The following PRKCH variants were observed in gnomAD, a reference collection of about 807,000 sequenced individuals.
PRKCH encodes protein kinase C eta.
A neutral mutation model predicts 82.5 loss-of-function variants in PRKCH; 28 were observed. The observed-to-expected ratio is 0.34, with a 90% CI of 0.25 to 0.47. PRKCH has a LOEUF of 0.47. Among genes scored for constraint, PRKCH ranks in the 20% least tolerant of loss-of-function variants. The pLI is 1.00. For synonymous variants in PRKCH, 322 were observed against 327.4 expected (o/e 0.98, Z 0.18); for missense variants, 705 against 881.8 (o/e 0.80, Z 2.54).
intron 1 of PRKCH, among the ~76,000 whole-genome samples, chr14:61,329,904 T>C (rs926195665): frequency 6.6e-6 from 1 of 152,194 alleles, no homozygotes; most frequent in South Asian, 2.1e-4. Flanking sequence ...GTTTGAATGA[T>C]TGACTAAGAT....
At chr14:61,401,634 A>G (rs530377899) in intron 2 of PRKCH, among the ~76,000 whole-genome samples, 1 of 152,350 alleles carries the variant, frequency 6.6e-6, no homozygotes, top group South Asian at 2.1e-4. Context: ...ATGGCCACGT[A>G]GTTGCAGGAG....
chr14:61,326,965 C>T (rs779173220), intron 1 of PRKCH: 4 of 415,716 alleles, frequency 9.6e-6, no homozygotes, highest in Non-Finnish European at 2.0e-5. Context: ...TGCTGACCTT[C>T]TAAATGGGGA....
chr14:61,440,807 G>A (rs936839971), intron 2 of PRKCH, among the ~76,000 whole-genome samples: 3 of 152,164 alleles, frequency 2.0e-5, no homozygotes, highest in Non-Finnish European at 2.9e-5. Flanking sequence ...CTGGGAGGTG[G>A]AGGTTGCAAT....
At chr14:61,444,218 A>G (rs531837143) in intron 3 of PRKCH, among the ~76,000 whole-genome samples, 36 of 152,354 alleles carry the variant, frequency 2.4e-4, no homozygotes, top group African/African-American at 8.7e-4. Flanking sequence ...GTAGATATGA[A>G]GCCAACAAAT....
chr14:61,318,084 C>T (rs2045578500), upstream of PRKCH, among the ~76,000 whole-genome samples: 1 of 151,166 alleles, frequency 6.6e-6, no homozygotes, highest in Admixed American at 6.6e-5. Flanking sequence ...ATGTTTCTTT[C>T]TTTTTTTGAG....
At chr14:61,499,938 G>A (rs1886827204) in intron 10 of PRKCH, among the ~76,000 whole-genome samples, 1 of 151,076 alleles carries the variant, frequency 6.6e-6, no homozygotes, top group South Asian at 2.1e-4. Context: ...GATATGTGAA[G>A]GCAGTCTGGG....
chr14:61,207,651 T>C (rs924236323), intron 1 of PRKCH, among the ~76,000 whole-genome samples: 3 of 152,156 alleles, frequency 2.0e-5, no homozygotes, highest in African/African-American at 7.2e-5. Flanking sequence ...GTACCTAGTG[T>C]CTGCTAAGGG....
At chr14:61,394,949 A>G (rs1239624026) in intron 2 of PRKCH, among the ~76,000 whole-genome samples, 1 of 152,230 alleles carries the variant, frequency 6.6e-6, no homozygotes. Context: ...CAGTTAATTC[A>G]TAGGCTAATT....
At chr14:61,375,115 T>C (rs966832627) in intron 1 of PRKCH, among the ~76,000 whole-genome samples, 7 of 152,010 alleles carry the variant, frequency 4.6e-5, no homozygotes, top group Non-Finnish European at 1.0e-4. Context: ...AAATTATCTC[T>C]CTCAAGTTTA....
intron 9 of PRKCH, 46 bp downstream of exon 9, chr14:61,457,725 A>G (rs377646920): frequency 3.1e-6 from 5 of 1,602,052 alleles, no homozygotes; most frequent in African/African-American, 1.3e-5. Flanking sequence ...CTTTTCTTAC[A>G]GAGCTGAGAC....
intron 10 of PRKCH, among the ~76,000 whole-genome samples, chr14:61,523,116 C>T (rs780888850): frequency 8.5e-5 from 13 of 152,116 alleles, no homozygotes; most frequent in Middle Eastern, 3.2e-3. Flanking sequence ...TCACACTTAC[C>T]TACATGCTAG....
intron 1 of PRKCH, among the ~76,000 whole-genome samples, chr14:61,381,186 G>T (rs1268012693): frequency 6.6e-6 from 1 of 152,182 alleles, no homozygotes; most frequent in Non-Finnish European, 1.5e-5. Flanking sequence ...TTCCCCTAGT[G>T]GCAGGTAGGC....
At chr14:61,407,995 A>T (rs1882051160) in intron 2 of PRKCH, among the ~76,000 whole-genome samples, 1 of 152,104 alleles carries the variant, frequency 6.6e-6, no homozygotes, top group African/African-American at 2.4e-5. Flanking sequence ...TCACACCTCT[A>T]TGCCTCCTTC....
chr14:61,395,374 T>C (rs987773146), intron 2 of PRKCH, among the ~76,000 whole-genome samples: 1 of 145,832 alleles, frequency 6.9e-6, no homozygotes, highest in African/African-American at 2.5e-5. Context: ...ACCTCGCTCC[T>C]GGAAGCCACC....
intron 1 of PRKCH, among the ~76,000 whole-genome samples, chr14:61,273,577 T>G (rs905610497): frequency 6.6e-6 from 1 of 152,218 alleles, no homozygotes; most frequent in Non-Finnish European, 1.5e-5. Context: ...ATAAAGTAAC[T>G]ACCCTCACTA....
chr14:61,355,623 A>G (rs949170984), intron 1 of PRKCH, among the ~76,000 whole-genome samples: 1 of 152,220 alleles, frequency 6.6e-6, no homozygotes, highest in Non-Finnish European at 1.5e-5. Context: ...TATACACTAA[A>G]TAATTTTAAG....
intron 1 of PRKCH, among the ~76,000 whole-genome samples, chr14:61,284,055 A>G (rs946741515): frequency 1.3e-5 from 2 of 152,164 alleles, no homozygotes; most frequent in African/African-American, 4.8e-5. Flanking sequence ...AAGCTTACTG[A>G]TAGTGCAAAG....
At position 61,549,795 on chromosome 14, in the gene PRKCH, A is replaced by C; in HGVS notation, c.2016A>C (p.Arg672Ser). The C allele has an allele frequency of 6.2e-7, 1 of 1,614,120 alleles. No homozygotes were observed. Among genetic ancestry groups the C allele is most frequent in the Non-Finnish European group, 8.5e-7 (1 of 1,180,030 alleles). Residue 672 changes from arginine (R) to serine (S), a missense_variant, in exon 14 of 14, where the codon AGA becomes AGC. Arg to Ser is a moderately radical substitution (Grantham distance 110, BLOSUM62 -1). Coordinates refer to ENST00000332981, the MANE Select transcript of PRKCH (RefSeq NM_006255.5). ...CAATGATTAACCAGGATGAGTTTAG[A>C]AACTTTTCCTATGTGTCTCCAGAAT... is the stretch of plus-strand genomic sequence containing the variant. ...HLPMINQDEF[R>S]NFSYVSPELQ...
In PRKCH at chr14:61,280,970, T is replaced by C. The variant is rs1402279370; in HGVS notation, c.-19+93302T>C. Reference sequence around the variant, plus strand: ...GTATAGTCGTACTCCAGCTCCTTGATGCCGTTGGAGGAGTAGTAGAGGCCC... The same window carrying C: ...GTATAGTCGTACTCCAGCTCCTTGACGCCGTTGGAGGAGTAGTAGAGGCCC... On this transcript the variant is annotated intron_variant, in intron 1 of 3. Coordinates refer to the PRKCH transcript ENST00000555185. The surrounding 1 kb of genome is among the most constrained non-coding windows in gnomAD (Gnocchi z 5.0). The C allele has an allele frequency of 3.2e-6, 5 of 1,542,942 alleles. No homozygotes were observed. The highest frequency in any genetic ancestry group is 4.4e-6 in the Non-Finnish European group (5 of 1,147,200).
Sources: gnomAD v4.1 joint callset for allele counts (sites outside exome capture counted in the v4.1 genomes callset) on GRCh38, gnomAD v4.1.1 for gene constraint, Gnocchi (gnomAD v3.1) non-coding constraint, MANE v1.5 for transcripts, NCBI Gene and HGNC (gene_info 2026-07-23, HGNC 2026-07-21) for gene names.